FAM222B: variants seen among roughly 807,000 people sequenced by gnomAD.
FAM222B encodes family with sequence similarity 222 member B, also known as protein FAM222B.
A neutral mutation model predicts 38.0 loss-of-function variants in FAM222B; 12 were observed. That is an observed-to-expected ratio of 0.32 (90% CI 0.20 to 0.51). The LOEUF (loss-of-function observed/expected upper bound fraction) is 0.51, where lower values mean the gene tolerates loss of function less well. Ranked by LOEUF, FAM222B falls within the 20% of genes least tolerant of loss-of-function variation. The pLI, the probability that FAM222B is intolerant of heterozygous loss-of-function variation, is 0.97. For missense variants in FAM222B, 716 were observed against 754.2 expected (o/e 0.95, Z 0.59); for synonymous variants, 329 against 317.2 (o/e 1.04, Z -0.40).
chr17:28,801,931 C>A (rs2037250105), intron 1 of FAM222B, among the ~76,000 whole-genome samples: 1 of 151,762 alleles, frequency 6.6e-6, no homozygotes, highest in Non-Finnish European at 1.5e-5. Flanking sequence ...TCTAAATCAT[C>A]CCAATTCTGC....
At chr17:28,853,838 G>T (rs897240132) in intron 1 of FAM222B, among the ~76,000 whole-genome samples, 1 of 151,960 alleles carries the variant, frequency 6.6e-6, no homozygotes, top group African/African-American at 2.4e-5. Flanking sequence ...GCTCCAGTGA[G>T]CTATGATCAT....
intron 1 of FAM222B, among the ~76,000 whole-genome samples, chr17:28,794,012 G>A (rs1006777243): frequency 6.6e-6 from 1 of 152,108 alleles, no homozygotes; most frequent in African/African-American, 2.4e-5. Flanking sequence ...GCCTCCCAAA[G>A]TGTTGGGATT....
chr17:28,793,834 C>G (rs1487638180), intron 1 of FAM222B, among the ~76,000 whole-genome samples: 1 of 151,640 alleles, frequency 6.6e-6, no homozygotes, highest in Non-Finnish European at 1.5e-5. Flanking sequence ...CAACCTCCAC[C>G]TCCTGGGTTC....
In FAM222B at chr17:28,758,003, C is replaced by T; in HGVS notation, c.*267G>A. The T allele has an allele frequency of 5.6e-6, 2 of 358,820 alleles. No individual in the cohort carries two copies. Among genetic ancestry groups the T allele is most frequent in the Non-Finnish European group, 1.0e-5 (2 of 198,414 alleles). 22.2% of individuals were successfully genotyped at this position (358,820 alleles called of 1,614,324 possible). A position where few individuals can be genotyped will look rare whatever the true frequency, so the allele number is the denominator to read the frequency against. ...ATGGGTGGGAGCTGGCTGGAAATGG[C>T]CAAGGTGGAGAGACTAGCTGACAGG... On this transcript the variant is annotated 3_prime_UTR_variant, in exon 3 of 3. Transcript: ENST00000581407.
intron 1 of FAM222B, among the ~76,000 whole-genome samples, chr17:28,840,547 G>C (rs893484991): frequency 5.3e-5 from 8 of 152,036 alleles, no homozygotes; most frequent in East Asian, 1.9e-4. Flanking sequence ...TGACAAGCAG[G>C]GTAACAAAAA....
chr17:28,765,194 T>G, intron 2 of FAM222B, among the ~76,000 whole-genome samples: 1 of 152,226 alleles, frequency 6.6e-6, no homozygotes, highest in East Asian at 1.9e-4. Context: ...GCTCTGAGTC[T>G]TACGCTCTCT....
chr17:28,772,451 G>A (rs745447890), intron 1 of FAM222B, among the ~76,000 whole-genome samples: 10 of 151,786 alleles, frequency 6.6e-5, no homozygotes, highest in South Asian at 2.1e-4. Context: ...GAGGCCGGTC[G>A]CGGTGGCTCA....
intron 1 of FAM222B, among the ~76,000 whole-genome samples, chr17:28,792,435 G>A (rs1406961914): frequency 2.0e-5 from 3 of 151,918 alleles, no homozygotes; most frequent in Non-Finnish European, 2.9e-5. Flanking sequence ...AGCCGTCATC[G>A]TGCCACTGCA....
upstream of FAM222B, among the ~76,000 whole-genome samples, chr17:28,845,001 G>A (rs1042106403): frequency 4.6e-5 from 7 of 152,094 alleles, no homozygotes; most frequent in East Asian, 1.4e-3. Context: ...TACTCAGGAG[G>A]CTGAGGCAGG....
intron 1 of FAM222B, among the ~76,000 whole-genome samples, chr17:28,791,383 G>A (rs1192507745): frequency 6.6e-6 from 1 of 151,984 alleles, no homozygotes; most frequent in African/African-American, 2.4e-5. Context: ...TAGGTTTCCT[G>A]TATCTTTCTG....
At chr17:28,841,002 G>A (rs1454522218) in intron 1 of FAM222B, among the ~76,000 whole-genome samples, 21 of 145,924 alleles carry the variant, frequency 1.4e-4, no homozygotes, top group Non-Finnish European at 3.0e-5. Flanking sequence ...TAAAAATAAA[G>A]ATAACAAAAT....
chr17:28,812,212 G>C (rs575650888), intron 1 of FAM222B: 2 of 152,350 alleles, frequency 1.3e-5, no homozygotes, highest in Admixed American at 6.5e-5. Context: ...CACACACCTT[G>C]CGCCCTGGAA....
rs60664262 is a variant in FAM222B, at chr17:28,790,884, CTTTTTTTT to C, written c.-40-24185_-40-24178del. ...GTTCTATATATTTCAAATTGTTTCA[CTTTTTTTT>C]TTTTTTTTTTTTTTTTTTTTTTTAG... On this transcript the variant is annotated intron_variant, in intron 1 of 2. Coordinates refer to ENST00000581407, the MANE Select transcript of FAM222B (RefSeq NM_001077498.3). Among the ~76,000 whole-genome samples the C allele has an allele frequency of 5.5e-3, 473 of 86,084 alleles. 30 individuals carry two copies. The highest frequency in any genetic ancestry group is 7.6e-3 in the Middle Eastern group (1 of 132). 56.5% of individuals were successfully genotyped at this position (86,084 alleles called of 152,430 possible).
At chr17:28,798,049 G>A (rs1045105914) in intron 1 of FAM222B, among the ~76,000 whole-genome samples, 3 of 151,382 alleles carry the variant, frequency 2.0e-5, no homozygotes, top group Non-Finnish European at 2.9e-5. Context: ...AGTGAGACCC[G>A]GTCCCCCAGC....
At chr17:28,807,932 T>A (rs952575403) in intron 1 of FAM222B, among the ~76,000 whole-genome samples, 1 of 152,216 alleles carries the variant, frequency 6.6e-6, no homozygotes, top group Admixed American at 6.5e-5. Flanking sequence ...AAAGGTAACT[T>A]TGTTTTGAAT....
chr17:28,795,345 G>A (rs1458201886), intron 1 of FAM222B, among the ~76,000 whole-genome samples: 6 of 152,076 alleles, frequency 3.9e-5, no homozygotes, highest in African/African-American at 7.2e-5. Flanking sequence ...GGGTTTCGCC[G>A]TGTTGGGCAG....
At chr17:28,833,837 C>G (rs2038751146) in intron 1 of FAM222B, among the ~76,000 whole-genome samples, 1 of 152,112 alleles carries the variant, frequency 6.6e-6, no homozygotes, top group South Asian at 2.1e-4. Flanking sequence ...AAATCTGTAT[C>G]TCCCTTCTGA....
chr17:28,823,024 C>A (rs1317195175), intron 1 of FAM222B, among the ~76,000 whole-genome samples: 1 of 150,060 alleles, frequency 6.7e-6, no homozygotes, highest in Non-Finnish European at 1.5e-5. Context: ...CCACTGCACT[C>A]CAGCCTGGGC....
In FAM222B at chr17:28,779,956, A is replaced by T. The variant is rs868327095; in HGVS notation, c.-40-13249T>A. 3.3e-5 allele frequency among the ~76,000 whole-genome samples: 5 copies of T among 150,670 alleles called. No homozygotes were observed. In the South Asian group the frequency reaches 8.5e-4, roughly 26 times the overall value. ...CTTTTCCTCTAAGATCAGGAAAAAG[A>T]CAAGGACCACTCTAGCCACTTTTTT... On this transcript the variant is annotated intron_variant, in intron 1 of 2. Coordinates refer to ENST00000581407, the MANE Select transcript of FAM222B (RefSeq NM_001077498.3).
Sources: allele counts gnomAD v4.1 joint callset (sites outside exome capture counted in the v4.1 genomes callset), GRCh38; gene constraint gnomAD v4.1.1; transcripts MANE v1.5; gene names NCBI Gene and HGNC (gene_info 2026-07-23, HGNC 2026-07-21).